The following THRB variants were observed in gnomAD, a reference collection of about 807,000 sequenced individuals.
THRB encodes thyroid hormone receptor beta.
In THRB, 12 loss-of-function variants were observed where a neutral mutation model predicts 47.8. The ratio of observed to expected loss-of-function variants is 0.25; its 90% CI spans 0.16 to 0.41. The LOEUF (loss-of-function observed/expected upper bound fraction) is 0.41. Among genes scored for constraint, THRB ranks in the 10% least tolerant of loss-of-function variants. THRB has a pLI of 1.00. For synonymous variants in THRB, 218 were observed against 212.2 expected, an observed-to-expected ratio of 1.03 and a Z score of -0.24; for missense variants, 348 against 589.2, an observed-to-expected ratio of 0.59 and a Z score of 4.24.
chr3:24,235,497 G>A (rs2048766479), intron 3 of THRB, among the ~76,000 whole-genome samples: 1 of 152,040 alleles, frequency 6.6e-6, no homozygotes, highest in Middle Eastern at 3.2e-3. Context: ...CAGGAGGAAG[G>A]GTAGCAGAGT....
intron 3 of THRB, among the ~76,000 whole-genome samples, chr3:24,268,141 T>C (rs190807386): frequency 3.9e-5 from 6 of 152,244 alleles, no homozygotes; most frequent in African/African-American, 1.4e-4. Context: ...ATCGAGATTA[T>C]AAAAGACATG....
intron 5 of THRB, 126 bp downstream of exon 5, chr3:24,189,948 A>C (rs2149590103): frequency 3.3e-6 from 3 of 909,002 alleles, no homozygotes; most frequent in East Asian, 2.4e-5. Flanking sequence ...CTAGTAAAAG[A>C]ACAGTTGGAG....
At chr3:24,267,471 G>A (rs1320741105) in intron 3 of THRB, among the ~76,000 whole-genome samples, 1 of 151,970 alleles carries the variant, frequency 6.6e-6, no homozygotes. Flanking sequence ...TTCTCTGCTA[G>A]ACCAAAATTT....
chr3:24,345,774 T>C (rs1310405159), intron 1 of THRB, among the ~76,000 whole-genome samples: 4 of 152,130 alleles, frequency 2.6e-5, no homozygotes, highest in Admixed American at 2.6e-4. Flanking sequence ...CCTAGAGTTA[T>C]GCTCCACATT....
intron 5 of THRB, among the ~76,000 whole-genome samples, chr3:24,186,218 C>T (rs1235487355): frequency 2.0e-5 from 3 of 152,158 alleles, no homozygotes; most frequent in Admixed American, 6.5e-5. Flanking sequence ...TCTAGAGATT[C>T]ACTAGTCTGG....
intron 1 of THRB, among the ~76,000 whole-genome samples, chr3:24,486,101 G>A (rs1428097381): frequency 2.6e-5 from 4 of 152,142 alleles, no homozygotes; most frequent in Non-Finnish European, 4.4e-5. Flanking sequence ...AATATCTGGA[G>A]ACATTTTTGA....
chr3:24,329,962 A>G (rs1042204530), intron 2 of THRB, among the ~76,000 whole-genome samples: 2 of 152,230 alleles, frequency 1.3e-5, no homozygotes, highest in Admixed American at 6.5e-5. Context: ...ATTCTAATGC[A>G]TGCTTTACTT....
intron 3 of THRB, among the ~76,000 whole-genome samples, chr3:24,289,910 TC>T (rs2055746464): frequency 6.6e-6 from 1 of 152,134 alleles, no homozygotes; most frequent in African/African-American, 2.4e-5. Flanking sequence ...ACTTATAGAT[TC>T]CCCCATCCCC....
chr3:24,143,495 C>A lies in THRB; in HGVS notation c.738+6G>T. 1 of 1,614,048 alleles carries A rather than the reference C, an allele frequency of 6.2e-7. No homozygotes were observed. Among genetic ancestry groups the A allele is most frequent in the Non-Finnish European group, 8.5e-7 (1 of 1,179,934 alleles). ...AGTGAAACTGATCTGTGCAAGGAAG[C>A]CTTACCAGGAATTTCCGTTTTTGCT... On this transcript the variant is annotated splice_donor_region_variant and intron_variant, in intron 8 of 10. Transcript: ENST00000646209.
chr3:24,125,031 G>C (rs544748190), intron 10 of THRB, among the ~76,000 whole-genome samples: 1 of 152,192 alleles, frequency 6.6e-6, no homozygotes, highest in Non-Finnish European at 1.5e-5. Context: ...GTTTGATAGT[G>C]TTTGGCATCA....
At chr3:24,286,478 A>T (rs76008813) in intron 3 of THRB, among the ~76,000 whole-genome samples, 310 of 152,300 alleles carry the variant, frequency 2.0e-3, no homozygotes, top group African/African-American at 7.1e-3. Flanking sequence ...GGAATTTTGT[A>T]CATAAGAGAC....
chr3:24,334,723 G>T (rs1017271163), intron 2 of THRB, among the ~76,000 whole-genome samples: 49 of 152,152 alleles, frequency 3.2e-4, no homozygotes, highest in African/African-American at 1.1e-3. Flanking sequence ...GCTCAGGAGG[G>T]ACATTTCTTT....
intron 1 of THRB, among the ~76,000 whole-genome samples, chr3:24,427,907 A>T (rs1345641374): frequency 2.6e-5 from 4 of 152,026 alleles, no homozygotes; most frequent in Non-Finnish European, 5.9e-5. Context: ...GAAGAGACTT[A>T]GATTTGAAAA....
intron 4 of THRB, among the ~76,000 whole-genome samples, chr3:24,204,876 T>G (rs1448321636): frequency 6.6e-6 from 1 of 152,190 alleles, no homozygotes; most frequent in African/African-American, 2.4e-5. Flanking sequence ...CAGTAGCCGA[T>G]TCGATCAACT....
chr3:24,221,397 C>T (rs970995834), intron 4 of THRB, among the ~76,000 whole-genome samples: 5 of 152,148 alleles, frequency 3.3e-5, no homozygotes, highest in Non-Finnish European at 7.3e-5. Context: ...TTATTTGTGA[C>T]TGTTAGGAAA....
chr3:24,303,398 C>T (rs2057099197), intron 2 of THRB, among the ~76,000 whole-genome samples: 1 of 152,164 alleles, frequency 6.6e-6, no homozygotes, highest in Non-Finnish European at 1.5e-5. Context: ...GGCTAGCCTG[C>T]TGCAGGAAGA....
chr3:24,403,673 A>G (rs2067602599), intron 1 of THRB, among the ~76,000 whole-genome samples: 1 of 152,002 alleles, frequency 6.6e-6, no homozygotes, highest in Non-Finnish European at 1.5e-5. Context: ...GTTCCACTTA[A>G]AAATGTCCTT....
intron 4 of THRB, among the ~76,000 whole-genome samples, chr3:24,204,836 G>A (rs1003508719): frequency 4.6e-5 from 7 of 152,180 alleles, no homozygotes; most frequent in East Asian, 1.9e-4. Flanking sequence ...AAACCATGGC[G>A]CAAGAACTAC....
intron 3 of THRB, among the ~76,000 whole-genome samples, chr3:24,282,081 A>T (rs564306807): frequency 7.8e-6 from 1 of 128,628 alleles, no homozygotes; most frequent in Non-Finnish European, 1.6e-5. Context: ...TGCACCAAGC[A>T]GACCTAATAG....
Sources: allele counts gnomAD v4.1 joint callset (sites outside exome capture counted in the v4.1 genomes callset), GRCh38; gene constraint gnomAD v4.1.1; transcripts MANE v1.5; gene names NCBI Gene and HGNC (gene_info 2026-07-23, HGNC 2026-07-21).